The following KLF8 variants were observed in gnomAD, a reference collection of about 807,000 sequenced individuals.
KLF8 encodes Krueppel-like factor 8.
KLF8 carries 10 observed loss-of-function variants against 18.2 expected under a neutral mutation model. The ratio of observed to expected loss-of-function variants is 0.55; its 90% CI spans 0.34 to 0.93. The LOEUF is 0.93. Among genes scored for constraint, KLF8 ranks in the 40% least tolerant of loss-of-function variants. The pLI is 0.02. For missense variants in KLF8, 264 were observed against 277.9 expected (o/e 0.95, Z 0.36); for synonymous variants, 109 against 97.3 (o/e 1.12, Z -0.71).
chrX:56,080,661 C>T, the KLF8 span, among the ~76,000 whole-genome samples: 1 of 110,822 alleles, frequency 9.0e-6, no homozygotes, highest in Non-Finnish European at 1.9e-5. Flanking sequence ...ATCTTTGTGG[C>T]ATTCTCTGTA....
rs371257251 is a variant in KLF8 at position 56,251,791 on chromosome X, G to C, written c.81+1487G>C. Among the ~76,000 whole-genome samples, 16 of 110,746 alleles carry C rather than the reference G, an allele frequency of 1.4e-4. No homozygotes were observed. In the East Asian group the frequency reaches 4.5e-3, roughly 31 times the overall value. On this transcript the variant is annotated intron_variant, in intron 2 of 5. Transcript: ENST00000468660. ...TTTAATTTTTGTAGGTACATAGTAG[G>C]CGTATATATTTATGGGATACATTGA...
At chrX:55,948,329 A>C in the KLF8 span, among the ~76,000 whole-genome samples, 1 of 111,687 alleles carries the variant, frequency 9.0e-6, no homozygotes, top group Admixed American at 9.5e-5. Context: ...TATGTCATAC[A>C]TAGACAAATA....
chrX:56,245,787 G>A (rs1408668539), intron 1 of KLF8, among the ~76,000 whole-genome samples: 2 of 111,664 alleles, frequency 1.8e-5, no homozygotes, highest in Non-Finnish European at 1.9e-5. Context: ...TTCCCTGACA[G>A]CTTTTGTGCA....
chrX:56,184,290 C>T, the KLF8 span, among the ~76,000 whole-genome samples: 17 of 112,263 alleles, frequency 1.5e-4, no homozygotes, highest in African/African-American at 5.5e-4. Flanking sequence ...AGTCTGAGAT[C>T]AAACTGCAAG....
the KLF8 span, among the ~76,000 whole-genome samples, chrX:56,017,588 C>T: frequency 3.6e-5 from 4 of 112,080 alleles, no homozygotes; most frequent in South Asian, 3.8e-4. Context: ...TCCCCCAGTG[C>T]ACTGGATGTA....
chrX:56,259,215 C>T (rs1033844934), intron 2 of KLF8, among the ~76,000 whole-genome samples: 1 of 110,385 alleles, frequency 9.1e-6, no homozygotes, highest in Non-Finnish European at 1.9e-5. Flanking sequence ...CTCTCTCCCC[C>T]CATTTTATTA....
chrX:56,180,376 T>C, the KLF8 span, among the ~76,000 whole-genome samples: 1 of 111,712 alleles, frequency 9.0e-6, no homozygotes, highest in Non-Finnish European at 1.9e-5. Flanking sequence ...CTAGTCTTCT[T>C]AGCAGTGTAT....
chrX:56,187,111 T>A, the KLF8 span, among the ~76,000 whole-genome samples: 6 of 110,510 alleles, frequency 5.4e-5, no homozygotes, highest in Non-Finnish European at 1.1e-4. Context: ...ATCAACAAAA[T>A]TGATAGACCA....
the KLF8 span, among the ~76,000 whole-genome samples, chrX:56,047,149 A>AT: frequency 9.1e-6 from 1 of 109,700 alleles, no homozygotes; most frequent in Non-Finnish European, 1.9e-5. Flanking sequence ...ATTTGACTCT[A>AT]TTGCTGAGAC....
At chrX:55,913,377 A>G in the KLF8 span, among the ~76,000 whole-genome samples, 4 of 111,486 alleles carry the variant, frequency 3.6e-5, no homozygotes, top group African/African-American at 9.8e-5. Context: ...CAGGGTCTTT[A>G]TAGAGGTAAA....
At chrX:55,991,598 G>A in the KLF8 span, among the ~76,000 whole-genome samples, 308 of 111,339 alleles carry the variant, frequency 2.8e-3, 1 homozygote, top group African/African-American at 9.6e-3. Context: ...TGTTGCTCAC[G>A]CTGGGACCTG....
At chrX:55,949,015 CCAG>C in the KLF8 span, among the ~76,000 whole-genome samples, 2 of 111,456 alleles carry the variant, frequency 1.8e-5, no homozygotes, top group Non-Finnish European at 1.9e-5. Flanking sequence ...TTTCATGTGT[CCAG>C]CGTTTGAACT....
chrX:56,162,529 G>T, the KLF8 span, among the ~76,000 whole-genome samples: 1 of 111,567 alleles, frequency 9.0e-6, no homozygotes, highest in South Asian at 3.7e-4. Context: ...TGCTGTGCTG[G>T]CAATGAGCGA....
intron 4 of KLF8, 37 bp downstream of exon 4, chrX:56,269,526 TG>T: frequency 4.9e-5 from 2 of 40,769 alleles, no homozygotes; most frequent in Non-Finnish European, 8.4e-5. Context: ...TCTTTGTGTA[TG>T]TGTGTGTGTG....
the KLF8 span, among the ~76,000 whole-genome samples, chrX:55,983,593 G>A: frequency 2.0e-4 from 22 of 111,822 alleles, no homozygotes; most frequent in Non-Finnish European, 4.1e-4. Flanking sequence ...TTCTATTTGT[G>A]GTTGATAATA....
At chrX:56,010,244 T>A in the KLF8 span, among the ~76,000 whole-genome samples, 2 of 111,600 alleles carry the variant, frequency 1.8e-5, no homozygotes. Context: ...TGGAAGCCCA[T>A]CAGATTAAAG....
chrX:56,010,194 G>A, the KLF8 span, among the ~76,000 whole-genome samples: 2 of 111,398 alleles, frequency 1.8e-5, no homozygotes, highest in South Asian at 3.8e-4. Context: ...CGAAAAAAAT[G>A]TTAAGGGCAG....
chrX:55,984,657 G>A, the KLF8 span, among the ~76,000 whole-genome samples: 1 of 111,178 alleles, frequency 9.0e-6, no homozygotes, highest in Non-Finnish European at 1.9e-5. Context: ...GGATTGCAGG[G>A]TCAAAATGGT....
chrX:55,943,959 G>T, the KLF8 span, among the ~76,000 whole-genome samples: 1 of 111,949 alleles, frequency 8.9e-6, no homozygotes. Flanking sequence ...TTTGTTCAAT[G>T]ACAAATTCAC....
Sources: allele counts gnomAD v4.1 joint callset (sites outside exome capture counted in the v4.1 genomes callset), GRCh38; gene constraint gnomAD v4.1.1; transcripts MANE v1.5; gene names NCBI Gene and HGNC (gene_info 2026-07-23, HGNC 2026-07-21).